The following EYA2 variants were observed in gnomAD, a reference collection of about 807,000 sequenced individuals.
EYA2 encodes the protein EYA transcriptional coactivator and phosphatase 2.
EYA2 carries 31 observed loss-of-function variants against 69.2 expected under a neutral mutation model. The observed-to-expected ratio is 0.45, with a 90% confidence interval of 0.34 to 0.60. EYA2 has a LOEUF of 0.60. EYA2 is among the 20% of genes least tolerant of loss of function. EYA2 has a pLI of 0.02. For synonymous variants in EYA2, 257 were observed against 279.4 expected (o/e 0.92, Z 0.80); for missense variants, 622 against 701.2 (o/e 0.89, Z 1.28).
intron 5 of EYA2, among the ~76,000 whole-genome samples, chr20:47,070,832 T>C (rs1030469932): frequency 6.6e-6 from 1 of 151,566 alleles, no homozygotes; most frequent in Non-Finnish European, 1.5e-5. Flanking sequence ...TTTAAATAAA[T>C]AATTTTTATT....
Position 47,147,408 on chromosome 20 carries a change from G to A in EYA2, c.978+4260G>A, listed in dbSNP as rs564183250. On this transcript the variant is annotated intron_variant, in intron 10 of 15. Coordinates refer to ENST00000327619, the MANE Select transcript of EYA2 (RefSeq NM_005244.5). ...AGGAGGTGGAGGAGGAGGCCATGCCGATATCTGGGTGAAGAGTGTTCCAGA... is the reference window on the plus strand; with the variant it reads ...AGGAGGTGGAGGAGGAGGCCATGCCAATATCTGGGTGAAGAGTGTTCCAGA... Among the ~76,000 whole-genome samples the A allele has an allele frequency of 6.6e-4, 100 of 152,290 alleles. No individual in the cohort carries two copies. In the South Asian group the frequency reaches 9.8e-3, roughly 15 times the overall value.
chr20:47,154,707 C>T (rs1012455958), intron 10 of EYA2, among the ~76,000 whole-genome samples: 13 of 151,792 alleles, frequency 8.6e-5, no homozygotes, highest in South Asian at 2.1e-4. Context: ...AGTGTGGTGG[C>T]GGAAAGCCAA....
At position 47,016,258 on chromosome 20, in the gene EYA2, T is replaced by C. The variant is rs115924568; in HGVS notation, c.376T>C (p.Ser126Pro). The C allele has an allele frequency of 1.5e-3, 2,387 of 1,614,130 alleles. 32 individuals carry two copies. The African/African-American group carries it at 0.029, about 20-fold the overall frequency. The change falls in exon 5 of 16, where the codon TCA (serine) becomes CCA (proline). Residue 126 changes from serine (S) to proline (P), a missense_variant. Ser to Pro is a moderately conservative substitution (Grantham distance 74, BLOSUM62 -1). Coordinates refer to ENST00000327619, the MANE Select transcript of EYA2 (RefSeq NM_005244.5). ...FLSYGSSFSTSPTGQSPYTYQ... is the reference protein window; with the variant it reads ...FLSYGSSFSTPPTGQSPYTYQ... ...CAGCTATGGCTCCAGCTTCAGCACC[T>C]CACCCACTGGACAGAGCCCATACAC...
At chr20:47,038,320 C>A (rs1183762583) in intron 5 of EYA2, among the ~76,000 whole-genome samples, 1 of 151,878 alleles carries the variant, frequency 6.6e-6, no homozygotes, top group East Asian at 1.9e-4. Context: ...GGCAACATGG[C>A]AAGACCCCGT....
chr20:46,989,599 G>C (rs921297628), intron 1 of EYA2, among the ~76,000 whole-genome samples: 1 of 152,156 alleles, frequency 6.6e-6, no homozygotes, highest in African/African-American at 2.4e-5. Flanking sequence ...TCAACTCCAC[G>C]TTCTCCCCAA....
intron 1 of EYA2, among the ~76,000 whole-genome samples, chr20:46,944,301 C>T (rs1021871392): frequency 2.0e-5 from 3 of 152,206 alleles, no homozygotes; most frequent in African/African-American, 7.2e-5. Flanking sequence ...AGACAAGATA[C>T]TCAAAAGTCC....
intron 10 of EYA2, among the ~76,000 whole-genome samples, chr20:47,146,218 T>A (rs2033696914): frequency 6.6e-6 from 1 of 152,214 alleles, no homozygotes; most frequent in South Asian, 2.1e-4. Context: ...GGGTTTGAGA[T>A]GTCTGAGACA....
chr20:47,139,827 A>G (rs542286173), intron 9 of EYA2, among the ~76,000 whole-genome samples: 1 of 152,138 alleles, frequency 6.6e-6, no homozygotes, highest in South Asian at 2.1e-4. Flanking sequence ...AAATATACTA[A>G]TTGAGCTCTC....
intron 1 of EYA2, among the ~76,000 whole-genome samples, chr20:46,905,154 T>C (rs1984292091): frequency 6.6e-6 from 1 of 151,882 alleles, no homozygotes; most frequent in African/African-American, 2.4e-5. Flanking sequence ...CAGGAGTTAT[T>C]ATGTGACAGA....
intron 10 of EYA2, among the ~76,000 whole-genome samples, chr20:47,164,090 C>T (rs1299036182): frequency 6.6e-6 from 1 of 152,148 alleles, no homozygotes; most frequent in Non-Finnish European, 1.5e-5. Flanking sequence ...TCCCCTCTGA[C>T]TTACAGTCCC....
intron 1 of EYA2, among the ~76,000 whole-genome samples, chr20:46,952,080 G>A (rs1047651402): frequency 8.5e-5 from 13 of 152,234 alleles, no homozygotes; most frequent in African/African-American, 3.1e-4. Context: ...ACAAAGGCAC[G>A]TGTGTAATGA....
chr20:47,070,629 G>A (rs1225203574), intron 5 of EYA2, among the ~76,000 whole-genome samples: 1 of 152,118 alleles, frequency 6.6e-6, no homozygotes, highest in Admixed American at 6.5e-5. Flanking sequence ...CCCAATATTG[G>A]ATGTTGTACA....
At chr20:46,928,961 C>T (rs1350126581) in intron 1 of EYA2, among the ~76,000 whole-genome samples, 1 of 152,092 alleles carries the variant, frequency 6.6e-6, no homozygotes, top group Non-Finnish European at 1.5e-5. Context: ...CCCGGTCTCC[C>T]ACTAAGGCTA....
intron 7 of EYA2, among the ~76,000 whole-genome samples, chr20:47,085,010 AT>A (rs1483167044): frequency 4.0e-5 from 6 of 151,224 alleles, no homozygotes; most frequent in Admixed American, 3.9e-4. Context: ...TAATTTTTGT[AT>A]TTTTTGTAGA....
chr20:46,989,362 T>C (rs1486992190), intron 1 of EYA2, among the ~76,000 whole-genome samples: 1 of 151,378 alleles, frequency 6.6e-6, no homozygotes, highest in Non-Finnish European at 1.5e-5. Context: ...GCCTCCCGGG[T>C]TCAAGCGATT....
At chr20:47,161,800 A>T (rs2146634556) in intron 10 of EYA2, 1 of 158,906 alleles carries the variant, frequency 6.3e-6, no homozygotes, top group Non-Finnish European at 1.4e-5. Flanking sequence ...AGGTGTTTTT[A>T]TAGTCTTGGG....
chr20:47,088,052 C>T (rs2146502206), intron 7 of EYA2, among the ~76,000 whole-genome samples: 1 of 152,124 alleles, frequency 6.6e-6, no homozygotes, highest in South Asian at 2.1e-4. Flanking sequence ...CAGGGTGAAA[C>T]CTCGTCTCCC....
intron 9 of EYA2, among the ~76,000 whole-genome samples, chr20:47,122,145 C>T (rs909416305): frequency 6.6e-6 from 1 of 152,176 alleles, no homozygotes; most frequent in African/African-American, 2.4e-5. Flanking sequence ...GCCCAGAAAC[C>T]ACCCCCTATA....
At chr20:46,980,489 A>G (rs944733730) in intron 1 of EYA2, among the ~76,000 whole-genome samples, 1 of 152,216 alleles carries the variant, frequency 6.6e-6, no homozygotes, top group African/African-American at 2.4e-5. Flanking sequence ...TTATTGATAC[A>G]TAATAGATGG....
Sources: allele counts gnomAD v4.1 joint callset (sites outside exome capture counted in the v4.1 genomes callset), GRCh38; gene constraint gnomAD v4.1.1; transcripts MANE v1.5; gene names NCBI Gene and HGNC (gene_info 2026-07-23, HGNC 2026-07-21).